Variants in OPCML observed in about 807,000 individuals in gnomAD.
OPCML encodes the protein opioid binding protein/cell adhesion molecule like.
A neutral mutation model predicts 37.8 loss-of-function variants in OPCML; 13 were observed. The observed-to-expected ratio is 0.34, with a 90% CI of 0.22 to 0.55. OPCML has a LOEUF of 0.55. Ranked by LOEUF, OPCML falls within the 20% of genes least tolerant of loss-of-function variation. OPCML has a pLI of 0.91. For missense variants in OPCML, 341 were observed against 435.6 expected, an observed-to-expected ratio of 0.78 and a Z score of 1.93; for synonymous variants, 176 against 168.8, an observed-to-expected ratio of 1.04 and a Z score of -0.33.
At chr11:133,376,971 G>C (rs778176535) in intron 1 of OPCML, among the ~76,000 whole-genome samples, 2 of 152,194 alleles carry the variant, frequency 1.3e-5, no homozygotes, top group Non-Finnish European at 2.9e-5. Flanking sequence ...AGAAGGAAGG[G>C]AGGGAGGGAG....
chr11:133,333,803 A>C (rs1227213255), intron 1 of OPCML, among the ~76,000 whole-genome samples: 1 of 152,232 alleles, frequency 6.6e-6, no homozygotes. Context: ...AGAGAAAAAC[A>C]AAAAACCCCA....
intron 1 of OPCML, among the ~76,000 whole-genome samples, chr11:133,340,866 TC>T (rs1943854233): frequency 6.6e-6 from 1 of 152,168 alleles, no homozygotes; most frequent in Admixed American, 6.5e-5. Flanking sequence ...TAATTGCTGC[TC>T]CCTCTATCAA....
At chr11:132,859,613 A>T (rs991432088) in intron 2 of OPCML, 1 of 152,252 alleles carries the variant, frequency 6.6e-6, no homozygotes, top group African/African-American at 2.4e-5. Flanking sequence ...CACAAGTCAG[A>T]GTTTGATTAT....
chr11:133,344,087 T>C (rs116691911), intron 1 of OPCML, among the ~76,000 whole-genome samples: 2,419 of 152,304 alleles, frequency 0.016, 73 homozygotes, highest in African/African-American at 0.054. Context: ...CACCCACTTA[T>C]GTGGTGTAGG....
At chr11:132,442,353 C>T (rs556993867) in intron 4 of OPCML, among the ~76,000 whole-genome samples, 1 of 152,284 alleles carries the variant, frequency 6.6e-6, no homozygotes, top group East Asian at 1.9e-4. Context: ...GGCTTCCTGA[C>T]CGACTTCTCT....
intron 3 of OPCML, among the ~76,000 whole-genome samples, chr11:132,571,210 T>TG (rs1371965252): frequency 2.0e-5 from 3 of 152,008 alleles, no homozygotes; most frequent in Non-Finnish European, 2.9e-5. Context: ...AGTGGTTTGC[T>TG]GGGGGGTCTC....
At chr11:132,992,525 T>A (rs1213337486) in intron 1 of OPCML, among the ~76,000 whole-genome samples, 1 of 152,082 alleles carries the variant, frequency 6.6e-6, no homozygotes, top group Non-Finnish European at 1.5e-5. Context: ...GTTTTAAGCA[T>A]CGAGGGTGCG....
chr11:132,709,630 G>A (rs1944178102), intron 2 of OPCML, among the ~76,000 whole-genome samples: 1 of 152,204 alleles, frequency 6.6e-6, no homozygotes, highest in Admixed American at 6.5e-5. Flanking sequence ...CGGATCACTT[G>A]GTTAAGGTGT....
At chr11:133,140,892 CGAAGACGACGACGACGAAGAA>C (rs1565468374) in intron 1 of OPCML, among the ~76,000 whole-genome samples, 370 of 4,664 alleles carry the variant, frequency 0.079, 64 homozygotes, top group African/African-American at 0.1. Context: ...ACGACGACGA[CGAAGACGACGACGACGAAGAA>C]GAAGAAGACG....
At chr11:133,412,620 A>G (rs61607926) in intron 1 of OPCML, among the ~76,000 whole-genome samples, 55,337 of 152,136 alleles carry the variant, frequency 0.36, 13,861 homozygotes, top group African/African-American at 0.71. Flanking sequence ...CAGCTGATAC[A>G]GATGAAAAAT....
intron 3 of OPCML, among the ~76,000 whole-genome samples, chr11:132,613,527 G>A (rs1396658317): frequency 1.3e-5 from 2 of 152,176 alleles, no homozygotes; most frequent in Non-Finnish European, 2.9e-5. Flanking sequence ...CAAACCATTG[G>A]AACTGTCCCA....
At chr11:133,187,712 A>G (rs944221344) in intron 1 of OPCML, among the ~76,000 whole-genome samples, 2 of 152,196 alleles carry the variant, frequency 1.3e-5, no homozygotes, top group Non-Finnish European at 2.9e-5. Flanking sequence ...AGGAATGTTG[A>G]AAGAGTATCT....
At chr11:133,501,607 T>A (rs774035246) in intron 1 of OPCML, among the ~76,000 whole-genome samples, 1 of 151,938 alleles carries the variant, frequency 6.6e-6, no homozygotes, top group African/African-American at 2.4e-5. Context: ...CCCACCCCAA[T>A]TGGCTTGATA....
At position 133,091,359 on chromosome 11, in the gene OPCML, C is replaced by T. The variant is rs375150218; in HGVS notation, c.62-148349G>A. On this transcript the variant is annotated intron_variant, in intron 1 of 7. Transcript: ENST00000524381. Reference sequence around the variant, plus strand: ...CTCACTAGAGCCACGTGTAGTGGAGCTGTGGGAATGAGTCTCCCCCATACC... The same window carrying T: ...CTCACTAGAGCCACGTGTAGTGGAGTTGTGGGAATGAGTCTCCCCCATACC... Among the ~76,000 whole-genome samples the T allele has an allele frequency of 1.3e-4, 20 of 152,334 alleles. No individual in the cohort carries two copies. In the South Asian group the frequency reaches 3.7e-3, roughly 28 times the overall value.
intron 2 of OPCML, among the ~76,000 whole-genome samples, chr11:132,921,307 C>T (rs982289994): frequency 2.0e-5 from 3 of 152,206 alleles, no homozygotes; most frequent in Non-Finnish European, 2.9e-5. Context: ...ATGCAATGGA[C>T]GTGCGTTCTT....
At chr11:132,460,788 C>T (rs2096098832) in intron 4 of OPCML, among the ~76,000 whole-genome samples, 1 of 152,190 alleles carries the variant, frequency 6.6e-6, no homozygotes, top group South Asian at 2.1e-4. Context: ...CAAAATATCA[C>T]ATATACTACG....
chr11:133,263,327 G>A (rs1941549767), intron 1 of OPCML, among the ~76,000 whole-genome samples: 1 of 152,106 alleles, frequency 6.6e-6, no homozygotes, highest in Non-Finnish European at 1.5e-5. Context: ...GGTCCCATAA[G>A]ATTATATACT....
At chr11:132,444,206 C>T (rs2096046520) in intron 4 of OPCML, among the ~76,000 whole-genome samples, 1 of 152,096 alleles carries the variant, frequency 6.6e-6, no homozygotes, top group Admixed American at 6.5e-5. Flanking sequence ...CAATAAATGC[C>T]CAAGCAACCA....
chr11:132,901,748 T>C (rs1248037979), intron 2 of OPCML, among the ~76,000 whole-genome samples: 1 of 152,008 alleles, frequency 6.6e-6, no homozygotes, highest in African/African-American at 2.4e-5. Flanking sequence ...TCAGTAGTAG[T>C]GAAAGAGAAA....
Sources: gnomAD v4.1 joint callset for allele counts (sites outside exome capture counted in the v4.1 genomes callset) on GRCh38, gnomAD v4.1.1 for gene constraint, MANE v1.5 for transcripts, NCBI Gene and HGNC (gene_info 2026-07-23, HGNC 2026-07-21) for gene names.